GLIS1: variants seen among roughly 807,000 people sequenced by gnomAD.
GLIS1 encodes the protein zinc finger protein GLIS1.
In GLIS1, 24 loss-of-function variants were observed where a neutral mutation model predicts 63.8. That is an observed-to-expected ratio of 0.38 (90% CI 0.27 to 0.53). The LOEUF is 0.53. GLIS1 is among the 20% of genes least tolerant of loss of function. The pLI, the probability that GLIS1 is intolerant of heterozygous loss-of-function variation, is 0.85. For synonymous variants in GLIS1, 450 were observed against 482.5 expected, an observed-to-expected ratio of 0.93 and a Z score of 0.88; for missense variants, 1,036 against 1,074.1, an observed-to-expected ratio of 0.96 and a Z score of 0.50.
intron 2 of GLIS1, among the ~76,000 whole-genome samples, chr1:53,698,135 A>T (rs1320239788): frequency 1.4e-5 from 2 of 145,004 alleles, no homozygotes; most frequent in African/African-American, 5.1e-5. Flanking sequence ...TTAAAGAACC[A>T]ACCAGAAAGT....
chr1:53,638,625 G>A lies in GLIS1; in HGVS notation c.260-38347C>T, dbSNP rs545142484. ...CCCATGGAGCAATGGCAAAGACCCT[G>A]GCGTCTGGGGGCAGAGAGTCCAGTG... On this transcript the variant is annotated intron_variant, in intron 2 of 10. Transcript: ENST00000628545. Among the ~76,000 whole-genome samples the A allele has an allele frequency of 1.5e-3, 224 of 152,318 alleles. 1 individual carries two copies. Among genetic ancestry groups the A allele is most frequent in the South Asian group, 8.5e-3 (41 of 4,826 alleles).
In GLIS1 at chr1:53,529,929, G is replaced by A. The variant is rs777238503; in HGVS notation, c.1344C>T (p.Phe448=). ...KCMFEGCSKA[F]SRLENLKIHL... ...GGATCTTGAGGTTCTCCAGCCGTGA[G>A]AAGGCCTTGCTGCAGCCTTCAAACT... The change falls in exon 5 of 11, where the codon TTC becomes TTT. Residue 448 remains phenylalanine (F), a synonymous_variant. Coordinates refer to ENST00000628545, the MANE Select transcript of GLIS1 (RefSeq NM_001367484.1). The A allele has an allele frequency of 6.2e-6, 10 of 1,613,800 alleles. No individual in the cohort carries two copies. Among genetic ancestry groups the A allele is most frequent in the Non-Finnish European group, 8.5e-6 (10 of 1,179,924 alleles).
At chr1:53,673,181 T>C (rs1879734) in intron 2 of GLIS1, among the ~76,000 whole-genome samples, 40,449 of 152,130 alleles carry the variant, frequency 0.27, 5,427 homozygotes, top group East Asian at 0.32. Flanking sequence ...ATAAGTGTTA[T>C]GTCTTTAACC....
intron 4 of GLIS1, among the ~76,000 whole-genome samples, chr1:53,558,170 G>C (rs1312123515): frequency 2.0e-5 from 3 of 152,228 alleles, no homozygotes; most frequent in African/African-American, 7.2e-5. Flanking sequence ...TGCCCTCGGA[G>C]GTGCAACAGC....
At chr1:53,581,321 C>G (rs925044834) in intron 4 of GLIS1, among the ~76,000 whole-genome samples, 10 of 152,148 alleles carry the variant, frequency 6.6e-5, no homozygotes, top group African/African-American at 2.4e-4. Context: ...CAACACGACC[C>G]TGTGAGCTGC....
At chr1:53,570,305 G>A (rs1644972546) in intron 4 of GLIS1, among the ~76,000 whole-genome samples, 1 of 151,756 alleles carries the variant, frequency 6.6e-6, no homozygotes, top group Non-Finnish European at 1.5e-5. Flanking sequence ...AAATTGTTTA[G>A]AGATGGGGGT....
rs769673939 is a variant in GLIS1, at chr1:53,594,166, C to T, written c.1262G>A (p.Arg421His). ...TCGCATGTGGATGAGCAGCTTGTAGCGGGCGTTGAAGGGCTTGTAGCGGCG... is the reference window on the plus strand; with the variant it reads ...TCGCATGTGGATGAGCAGCTTGTAGTGGGCGTTGAAGGGCTTGTAGCGGCG... ...CVRRYKPFNA[R>H]YKLLIHMRVH... is the part of the protein sequence containing the mutation. Residue 421 changes from arginine to histidine, a missense_variant, in exon 4 of 11, where the codon CGC becomes CAC. Coordinates refer to ENST00000628545, the MANE Select transcript of GLIS1 (RefSeq NM_001367484.1). The T allele has an allele frequency of 3.1e-6, 5 of 1,613,830 alleles. No individual in the cohort carries two copies. The highest frequency in any genetic ancestry group is 4.2e-6 in the Non-Finnish European group (5 of 1,179,786).
intron 2 of GLIS1, among the ~76,000 whole-genome samples, chr1:53,616,286 G>A (rs1358799267): frequency 6.6e-6 from 1 of 152,200 alleles, no homozygotes; most frequent in Non-Finnish European, 1.5e-5. Context: ...GTAATGGGAT[G>A]ACAAGAAATG....
At chr1:53,717,876 G>GTT (rs1646716046) in intron 2 of GLIS1, among the ~76,000 whole-genome samples, 1 of 152,078 alleles carries the variant, frequency 6.6e-6, no homozygotes, top group African/African-American at 2.4e-5. Context: ...CAACAAAAAT[G>GTT]TAAGTTAAAA....
chr1:53,664,176 C>T (rs145538615), intron 2 of GLIS1, among the ~76,000 whole-genome samples: 6 of 152,306 alleles, frequency 3.9e-5, no homozygotes, highest in Admixed American at 6.5e-5. Context: ...GGTGTGCCCC[C>T]ACCCCAAACC....
At chr1:53,727,966 A>T (rs182496848) in intron 2 of GLIS1, among the ~76,000 whole-genome samples, 2 of 152,366 alleles carry the variant, frequency 1.3e-5, no homozygotes, top group African/African-American at 4.8e-5. Context: ...CCTTGCAGGA[A>T]AAACAAGAAC....
chr1:53,678,280 C>T lies in GLIS1; in HGVS notation c.259+59526G>A, dbSNP rs193062836. On this transcript the variant is annotated intron_variant, in intron 2 of 10. Transcript: ENST00000628545. ...CCCCCTTGCACGAAGAACCTCTCTGCGGATTTGAGCCATCAGTTCTCAGGT... is the reference window on the plus strand; with the variant it reads ...CCCCCTTGCACGAAGAACCTCTCTGTGGATTTGAGCCATCAGTTCTCAGGT... Among the ~76,000 whole-genome samples, 247 of 127,660 alleles carry T rather than the reference C, an allele frequency of 1.9e-3. 1 individual carries two copies. Among genetic ancestry groups the T allele is most frequent in the African/African-American group, 7.1e-3 (237 of 33,604 alleles). 83.7% of individuals were successfully genotyped at this position (127,660 alleles called of 152,430 possible). A position where few individuals can be genotyped will look rare whatever the true frequency, so the allele number is the denominator to read the frequency against.
intron 2 of GLIS1, among the ~76,000 whole-genome samples, chr1:53,661,674 C>T (rs577188233): frequency 1.5e-4 from 23 of 152,192 alleles, no homozygotes; most frequent in Admixed American, 2.6e-4. Context: ...AGGCCTCCAG[C>T]AGCCACCCGA....
In GLIS1 at chr1:53,506,635, A is replaced by G. The variant is rs760276919; in HGVS notation, c.2372T>C (p.Ile791Thr). 8 of 1,613,322 alleles carry G rather than the reference A, an allele frequency of 5.0e-6. No individual in the cohort carries two copies. In the East Asian group the frequency reaches 8.9e-5, roughly 18 times the overall value. The change falls in exon 11 of 11, where the codon ATC becomes ACC. Residue 791 changes from isoleucine to threonine, a missense_variant. This residue lies in a region of GLIS1 where 400 missense variants were observed against 400.9 expected (regional missense o/e 1.00). Transcript: ENST00000628545. ...FDHCLGHIPS[I>T]YTDT Reference sequence around the variant, plus strand: ...GGGGCTCCTTCAGGTGTCTGTGTAGATGGAGGGGATGTGGCCCAGGCAGTG... The same window carrying G: ...GGGGCTCCTTCAGGTGTCTGTGTAGGTGGAGGGGATGTGGCCCAGGCAGTG...
chr1:53,528,017 C>T (rs1233299442), intron 5 of GLIS1, among the ~76,000 whole-genome samples: 1 of 151,966 alleles, frequency 6.6e-6, no homozygotes, highest in Non-Finnish European at 1.5e-5. Context: ...CCGAGAGGCA[C>T]GGGAGGGTAG....
chr1:53,695,898 G>A (rs1013128288), intron 2 of GLIS1, among the ~76,000 whole-genome samples: 4 of 152,252 alleles, frequency 2.6e-5, no homozygotes, highest in African/African-American at 9.6e-5. Context: ...TCTTAGGAGA[G>A]GCTCAGGTCT....
At chr1:53,554,357 A>G (rs1449365270) in intron 4 of GLIS1, among the ~76,000 whole-genome samples, 1 of 152,176 alleles carries the variant, frequency 6.6e-6, no homozygotes, top group Non-Finnish European at 1.5e-5. Context: ...GGGTATCCAG[A>G]TGGCCCCACC....
intron 4 of GLIS1, among the ~76,000 whole-genome samples, chr1:53,586,203 G>A (rs1645132885): frequency 6.6e-6 from 1 of 152,194 alleles, no homozygotes. Context: ...CAAAACAGGG[G>A]AGGAAGAAAA....
chr1:53,553,919 C>T (rs141735412), intron 4 of GLIS1, among the ~76,000 whole-genome samples: 1 of 152,120 alleles, frequency 6.6e-6, no homozygotes, highest in Non-Finnish European at 1.5e-5. Flanking sequence ...AGACAGTGTG[C>T]CTTGCTGACC....
Sources: allele counts gnomAD v4.1 joint callset (sites outside exome capture counted in the v4.1 genomes callset), GRCh38; gene constraint gnomAD v4.1.1; regional missense constraint gnomAD v4.1.1; transcripts MANE v1.5; gene names NCBI Gene and HGNC (gene_info 2026-07-23, HGNC 2026-07-21).